Variants in PDIA4 observed in about 807,000 individuals in gnomAD.
PDIA4 encodes protein disulfide-isomerase A4.
Under a neutral mutation model 62.1 loss-of-function variants are expected in PDIA4, and 33 were observed. The ratio of observed to expected loss-of-function variants is 0.53; its 90% CI spans 0.40 to 0.71. The LOEUF (loss-of-function observed/expected upper bound fraction) is 0.71. Among genes scored for constraint, PDIA4 ranks in the 30% least tolerant of loss-of-function variants. PDIA4 has a pLI of 0.00. For synonymous variants in PDIA4, 341 were observed against 324.1 expected (o/e 1.05, Z -0.56); for missense variants, 804 against 813.6 (o/e 0.99, Z 0.14).
At position 149,004,828 on chromosome 7, in the gene PDIA4, CTAGGT is replaced by C. The variant is rs1028994727; in HGVS notation, c.1522+308_1522+312del. ...AATGTGCTAAGGCCGCTGAGTGATG[CTAGGT>C]AAGCCCTGAGATGGACTCCGAATCT... On this transcript the variant is annotated intron_variant, in intron 9 of 9. Coordinates refer to ENST00000652332, the MANE Select transcript of PDIA4 (RefSeq NM_004911.5). 3.3e-5 allele frequency among the ~76,000 whole-genome samples: 5 copies of C among 152,314 alleles called. No homozygotes were observed. The East Asian group carries it at 7.7e-4, about 23-fold the overall frequency.
At chr7:149,019,586 G>A (rs1018973756) in intron 2 of PDIA4, among the ~76,000 whole-genome samples, 5 of 152,080 alleles carry the variant, frequency 3.3e-5, no homozygotes, top group Non-Finnish European at 7.4e-5. Context: ...CAAGGTGGGC[G>A]GATCACTTGA....
At chr7:149,023,701 G>A (rs1272250135) in intron 1 of PDIA4, among the ~76,000 whole-genome samples, 1 of 152,184 alleles carries the variant, frequency 6.6e-6, no homozygotes, top group African/African-American at 2.4e-5. Context: ...AGGAGAGGAA[G>A]GGAAACTAAT....
In PDIA4 at chr7:149,005,168, G is replaced by T; in HGVS notation, c.1495C>A (p.Arg499Ser). Residue 499 changes from arginine to serine, a missense_variant, in exon 9 of 10, where the codon CGC (arginine) becomes AGC (serine). By Grantham distance (110) the Arg-to-Ser change is moderately radical (BLOSUM62 -1). Transcript: ENST00000652332. ...EPEEFDSDTLREFVTAFKKGK... is the reference protein window; with the variant it reads ...EPEEFDSDTLSEFVTAFKKGK... ...TTTTTGAAAGCAGTGACAAACTCGC[G>T]GAGGGTGTCAGAGTCAAACTCCTCT... 2 of 1,613,652 alleles carry T rather than the reference G, an allele frequency of 1.2e-6. No homozygotes were observed. Among genetic ancestry groups the T allele is most frequent in the Non-Finnish European group, 1.7e-6 (2 of 1,179,626 alleles).
chr7:149,003,591 G>C lies in PDIA4; in HGVS notation c.*203C>G. Reference sequence around the variant, plus strand: ...AATGATAAAAATAGATGTATCCTCTGTAAAAATCTGGACTAAACTATTCAG... The same window carrying C: ...AATGATAAAAATAGATGTATCCTCTCTAAAAATCTGGACTAAACTATTCAG... On this transcript the variant is annotated 3_prime_UTR_variant, in exon 10 of 10. Coordinates refer to ENST00000652332, the MANE Select transcript of PDIA4 (RefSeq NM_004911.5). 4.9e-6 allele frequency: 2 copies of C among 407,898 alleles called. No homozygotes were observed. The highest frequency in any genetic ancestry group is 8.5e-6 in the Non-Finnish European group (2 of 235,460). The allele number at this position is 407,898 out of a possible 1,614,324, so 25.3% of individuals were successfully genotyped here.
At chr7:149,010,084 TG>T (rs1823894399) in intron 6 of PDIA4, among the ~76,000 whole-genome samples, 1 of 152,176 alleles carries the variant, frequency 6.6e-6, no homozygotes, top group East Asian at 1.9e-4. Flanking sequence ...CAGAGTCAGA[TG>T]GACTTAGATT....
intron 1 of PDIA4, among the ~76,000 whole-genome samples, chr7:149,026,415 C>T (rs1322831619): frequency 3.3e-5 from 5 of 152,108 alleles, no homozygotes; most frequent in Non-Finnish European, 7.4e-5. Context: ...CTTTGGGAGG[C>T]CAAGTCAGGC....
Position 149,005,147 on chromosome 7 carries a change from T to C in PDIA4, c.1516A>G (p.Lys506Glu). The change falls in exon 9 of 10, where the codon AAA (lysine) becomes GAA (glutamate). Residue 506 changes from lysine to glutamate, a missense_variant. Lys to Glu is a moderately conservative substitution (Grantham distance 56). Coordinates refer to ENST00000652332, the MANE Select transcript of PDIA4 (RefSeq NM_004911.5). ...GCCCCAGCCACGGGCTCACCTTTTT[T>C]GAAAGCAGTGACAAACTCGCGGAGG... ...DTLREFVTAF[K>E]KGKLKPVIKS... The C allele has an allele frequency of 6.2e-7, 1 of 1,612,500 alleles. No homozygotes were observed. The highest frequency in any genetic ancestry group is 2.2e-5 in the East Asian group (1 of 44,850).
intron 4 of PDIA4, among the ~76,000 whole-genome samples, chr7:149,014,111 T>A (rs1254853323): frequency 6.6e-6 from 1 of 152,194 alleles, no homozygotes; most frequent in Non-Finnish European, 1.5e-5. Flanking sequence ...AACTCCCAGG[T>A]TTCTGCTGCA....
chr7:149,026,202 T>A (rs183321450), intron 1 of PDIA4, among the ~76,000 whole-genome samples: 18 of 152,228 alleles, frequency 1.2e-4, no homozygotes, highest in Admixed American at 5.2e-4. Flanking sequence ...TGACAGTGAA[T>A]GGCCGAGGGA....
intron 1 of PDIA4, among the ~76,000 whole-genome samples, chr7:149,021,889 A>G (rs1824365813): frequency 6.6e-6 from 1 of 151,850 alleles, no homozygotes; most frequent in South Asian, 2.1e-4. Flanking sequence ...GGGCTCCCCT[A>G]CCCACATCCC....
chr7:149,006,874 CAGA>C (rs1351361086), intron 7 of PDIA4, among the ~76,000 whole-genome samples: 3 of 152,172 alleles, frequency 2.0e-5, no homozygotes, highest in East Asian at 1.9e-4. Context: ...AGGGAAACGC[CAGA>C]AGAACTGGGA....
At chr7:149,016,570 G>A (rs879690019) in intron 3 of PDIA4, among the ~76,000 whole-genome samples, 1 of 151,714 alleles carries the variant, frequency 6.6e-6, no homozygotes, top group African/African-American at 2.4e-5. Flanking sequence ...CCAGGCTGGA[G>A]TGCAGTGGCG....
At chr7:149,015,545 T>C (rs1324368824) in intron 3 of PDIA4, among the ~76,000 whole-genome samples, 1 of 151,128 alleles carries the variant, frequency 6.6e-6, no homozygotes, top group African/African-American at 2.4e-5. Context: ...TAGCTCCCAT[T>C]GCTCAAGGTG....
intron 4 of PDIA4, among the ~76,000 whole-genome samples, chr7:149,013,265 C>T: frequency 6.6e-6 from 1 of 152,090 alleles, no homozygotes. Context: ...AACCAACATC[C>T]CACACCCAGC....
At chr7:149,004,346 G>C (rs1823666365) in intron 9 of PDIA4, 137 bp from the exon 10 acceptor site, 1 of 781,624 alleles carries the variant, frequency 1.3e-6, no homozygotes, top group South Asian at 1.7e-5. Context: ...CACTACTGTA[G>C]AAAGTAGTAG....
Position 149,003,676 on chromosome 7 carries a change from A to G in PDIA4, c.*118T>C, listed in dbSNP as rs1823623685. 2.1e-6 allele frequency: 1 copy of G among 476,912 alleles called. No individual in the cohort carries two copies. Among genetic ancestry groups the G allele is most frequent in the Non-Finnish European group, 3.2e-6 (1 of 309,512 alleles). 29.5% of individuals were successfully genotyped at this position (476,912 alleles called of 1,614,324 possible). On this transcript the variant is annotated 3_prime_UTR_variant, in exon 10 of 10. Coordinates refer to ENST00000652332, the MANE Select transcript of PDIA4 (RefSeq NM_004911.5). The stretch of plus-strand genomic sequence containing the variant: ...TGAAACACCAAAGTATAAAAAATTA[A>G]AAAAAAAAAAAAAGGAATCCGAGAT...
At chr7:149,022,227 G>A (rs949423506) in intron 1 of PDIA4, among the ~76,000 whole-genome samples, 7 of 152,044 alleles carry the variant, frequency 4.6e-5, no homozygotes, top group Non-Finnish European at 8.8e-5. Flanking sequence ...GGAAGAGGGC[G>A]GGAAATCTCA....
intron 3 of PDIA4, among the ~76,000 whole-genome samples, chr7:149,015,875 G>A (rs968065789): frequency 2.6e-5 from 4 of 152,226 alleles, no homozygotes; most frequent in African/African-American, 4.8e-5. Flanking sequence ...TTAACACATA[G>A]GAGGCCTCTT....
At chr7:149,018,508 C>T (rs897469421) in intron 3 of PDIA4, among the ~76,000 whole-genome samples, 16 of 152,058 alleles carry the variant, frequency 1.1e-4, no homozygotes, top group South Asian at 2.1e-4. Context: ...CTCAGCTCAC[C>T]GCAACCTCCG....
Sources: allele counts gnomAD v4.1 joint callset (sites outside exome capture counted in the v4.1 genomes callset), GRCh38; gene constraint gnomAD v4.1.1; transcripts MANE v1.5; gene names NCBI Gene and HGNC (gene_info 2026-07-23, HGNC 2026-07-21).